MYL1: variants seen among roughly 807,000 people sequenced by gnomAD.
MYL1 encodes myosin light chain 1.
In MYL1, 16 loss-of-function variants were observed where a neutral mutation model predicts 21.8. The ratio of observed to expected loss-of-function variants is 0.74; its 90% CI spans 0.50 to 1.12. MYL1 has a LOEUF of 1.12. Among genes scored for constraint, MYL1 ranks in the 50% most tolerant of loss-of-function variants. The probability of loss-of-function intolerance (pLI) is 0.00; values close to 1 mark genes in which losing one functional copy is unlikely to be tolerated. For missense variants in MYL1, 246 were observed against 241.0 expected, an observed-to-expected ratio of 1.02 and a Z score of -0.14; for synonymous variants, 99 against 85.2, an observed-to-expected ratio of 1.16 and a Z score of -0.89.
chr2:210,293,837 A>T, intron 4 of MYL1, 37 bp from the exon 5 acceptor site: 1 of 1,594,146 alleles, frequency 6.3e-7, no homozygotes, highest in Non-Finnish European at 8.6e-7. Flanking sequence ...AAAGAAGGCC[A>T]TGTGTTATTT....
chr2:210,292,555 GA>G (rs1173983759), intron 5 of MYL1, among the ~76,000 whole-genome samples: 4 of 114,992 alleles, frequency 3.5e-5, no homozygotes, highest in East Asian at 5.0e-4. Context: ...GGTATTAATT[GA>G]ATTTTTTTTT....
intron 1 of MYL1, among the ~76,000 whole-genome samples, 162 bp downstream of exon 1, chr2:210,314,749 G>T (rs542291994): frequency 1.3e-5 from 2 of 152,312 alleles, no homozygotes; most frequent in East Asian, 1.9e-4. Context: ...GAAATTATAT[G>T]CTGGCATTCA....
intron 3 of MYL1, among the ~76,000 whole-genome samples, 171 bp from the exon 4 acceptor site, chr2:210,294,589 G>A (rs1690144075): frequency 6.6e-6 from 1 of 152,168 alleles, no homozygotes; most frequent in African/African-American, 2.4e-5. Flanking sequence ...ATGGCATGAG[G>A]TCTGGAATTG....
intron 1 of MYL1, among the ~76,000 whole-genome samples, chr2:210,313,348 A>G (rs1011327856): frequency 2.0e-5 from 3 of 151,990 alleles, no homozygotes; most frequent in Non-Finnish European, 4.4e-5. Flanking sequence ...ATGTTACTAC[A>G]GAGTGCAGAG....
At chr2:210,314,625 T>C (rs1046747054) in intron 1 of MYL1, among the ~76,000 whole-genome samples, 3 of 152,188 alleles carry the variant, frequency 2.0e-5, no homozygotes, top group African/African-American at 7.2e-5. Flanking sequence ...CTGTTAAGCA[T>C]ATATACTTTT....
At chr2:210,302,971 A>G (rs530285401) in intron 1 of MYL1, 1 of 608,702 alleles carries the variant, frequency 1.6e-6, no homozygotes, top group South Asian at 2.2e-5. Flanking sequence ...TGCAAAAGAT[A>G]ATTAGGGAAT....
At chr2:210,302,962 G>A in intron 1 of MYL1, 2 of 618,298 alleles carry the variant, frequency 3.2e-6, no homozygotes, top group Non-Finnish European at 5.7e-6. Context: ...AAAAGCTATT[G>A]CAAAAGATAA....
At chr2:210,304,530 A>G (rs1321234991) in intron 1 of MYL1, among the ~76,000 whole-genome samples, 1 of 152,082 alleles carries the variant, frequency 6.6e-6, no homozygotes, top group Non-Finnish European at 1.5e-5. Context: ...GTGGAATACA[A>G]AATTGTACTT....
intron 1 of MYL1, among the ~76,000 whole-genome samples, chr2:210,311,126 G>GCTT (rs1267040490): frequency 6.6e-6 from 1 of 151,974 alleles, no homozygotes; most frequent in Non-Finnish European, 1.5e-5. Flanking sequence ...GTTACAAAAA[G>GCTT]CTTTATAGAT....
intron 2 of MYL1, among the ~76,000 whole-genome samples, chr2:210,299,202 T>C (rs1455819677): frequency 1.3e-5 from 2 of 152,224 alleles, no homozygotes; most frequent in Admixed American, 6.6e-5. Context: ...GGTATGTTGC[T>C]GTGATAATCT....
At chr2:210,307,275 C>T (rs905067451) in intron 1 of MYL1, among the ~76,000 whole-genome samples, 1 of 152,142 alleles carries the variant, frequency 6.6e-6, no homozygotes, top group African/African-American at 2.4e-5. Context: ...TAGAGCACTT[C>T]CCTTGCCTTA....
At position 210,298,581 on chromosome 2, in the gene MYL1, C is replaced by G; in HGVS notation, c.161-18G>C. ...CTTGAATTCTGCAAAAAGCAAGAAG[C>G]ATTAGAGTGCTCTTTTCTTCCTCTA... On this transcript the variant is annotated intron_variant, in intron 2 of 6. Coordinates refer to ENST00000352451, the MANE Select transcript of MYL1 (RefSeq NM_079420.3). 6.2e-7 allele frequency: 1 copy of G among 1,613,418 alleles called. No individual in the cohort carries two copies. Among genetic ancestry groups the G allele is most frequent in the Non-Finnish European group, 8.5e-7 (1 of 1,179,664 alleles).
intron 1 of MYL1, 148 bp from the exon 2 acceptor site, chr2:210,302,663 C>G: frequency 2.0e-6 from 3 of 1,507,362 alleles, no homozygotes; most frequent in East Asian, 2.4e-5. Flanking sequence ...AGCTTGGACA[C>G]TAACAGGTTA....
intron 3 of MYL1, among the ~76,000 whole-genome samples, chr2:210,295,955 G>A (rs575572888): frequency 6.6e-6 from 1 of 152,176 alleles, no homozygotes; most frequent in South Asian, 2.1e-4. Context: ...AGAAAATGAA[G>A]TAAGCAGGCT....
chr2:210,307,974 G>A (rs1273509769), intron 1 of MYL1, among the ~76,000 whole-genome samples: 1 of 152,094 alleles, frequency 6.6e-6, no homozygotes, highest in East Asian at 1.9e-4. Flanking sequence ...AAGAAGAAGA[G>A]CTATAATTAA....
At position 210,310,741 on chromosome 2, in the gene MYL1, C is replaced by T. The variant is rs114474356; in HGVS notation, c.132+4170G>A. Among the ~76,000 whole-genome samples, 635 of 151,926 alleles carry T rather than the reference C, an allele frequency of 4.2e-3. 4 individuals are homozygous for T. The highest frequency in any genetic ancestry group is 0.014 in the African/African-American group (595 of 41,494). ...AGTCAAGGTCAAAAGTCTTGGTGAACTTGCTCTGATGTGTCTGTCATCCCC... is the reference window on the plus strand; with the variant it reads ...AGTCAAGGTCAAAAGTCTTGGTGAATTTGCTCTGATGTGTCTGTCATCCCC... On this transcript the variant is annotated intron_variant, in intron 1 of 6. Coordinates refer to ENST00000352451, the MANE Select transcript of MYL1 (RefSeq NM_079420.3).
chr2:210,315,035 G>T lies in MYL1; in HGVS notation c.8C>A (p.Pro3Gln). The T allele has an allele frequency of 6.3e-7, 1 of 1,593,190 alleles. No homozygotes were observed. The highest frequency in any genetic ancestry group is 1.2e-5 in the South Asian group (1 of 85,956). Residue 3 changes from proline (P) to glutamine (Q), a missense_variant, in exon 1 of 7, where the codon CCA (proline) becomes CAA (glutamine). By Grantham distance (76) the Pro-to-Gln change is moderately conservative. Coordinates refer to ENST00000352451, the MANE Select transcript of MYL1 (RefSeq NM_079420.3). Reference protein sequence around the residue: MAPKKDVKKPVAA... With the variant: MAQKKDVKKPVAA... Reference sequence around the variant, plus strand: ...CACAGGTTTCTTCACGTCTTTCTTTGGTGCCATTTTTTTTTTTAAAAGGGT... The same window carrying T: ...CACAGGTTTCTTCACGTCTTTCTTTTGTGCCATTTTTTTTTTTAAAAGGGT...
rs1690270792 is a variant in MYL1 at position 210,301,950 on chromosome 2, C to G, written c.160+538G>C. ...TTGCATATCTCAGGGAGGGGTTAAA[C>G]CAGGAGACATTTAATGTTCCTTCTA... On this transcript the variant is annotated intron_variant, in intron 2 of 6. Coordinates refer to ENST00000352451, the MANE Select transcript of MYL1 (RefSeq NM_079420.3). Among the ~76,000 whole-genome samples, 3 of 152,106 alleles carry G rather than the reference C, an allele frequency of 2.0e-5. No individual in the cohort carries two copies. The South Asian group carries it at 6.2e-4, about 32-fold the overall frequency.
chr2:210,301,183 A>G (rs916104437), intron 2 of MYL1, among the ~76,000 whole-genome samples: 7 of 152,150 alleles, frequency 4.6e-5, no homozygotes, highest in Non-Finnish European at 8.8e-5. Flanking sequence ...TAGCAGCATC[A>G]CTAGTTAAAA....
Sources: gnomAD v4.1 joint callset for allele counts (sites outside exome capture counted in the v4.1 genomes callset) on GRCh38, gnomAD v4.1.1 for gene constraint, MANE v1.5 for transcripts, NCBI Gene and HGNC (gene_info 2026-07-23, HGNC 2026-07-21) for gene names.